The following COL21A1 variants were observed in gnomAD, a reference collection of about 807,000 sequenced individuals.
COL21A1 encodes collagen type XXI alpha 1 chain, also known as collagen alpha-1(XXI) chain.
COL21A1 carries 149 observed loss-of-function variants against 137.9 expected under a neutral mutation model. The observed-to-expected ratio is 1.08, with a 90% CI of 0.95 to 1.24. The LOEUF is 1.24. Among genes scored for constraint, COL21A1 ranks in the 50% most tolerant of loss-of-function variants. COL21A1 has a pLI of 0.00. For synonymous variants in COL21A1, 456 were observed against 391.5 expected, an observed-to-expected ratio of 1.16 and a Z score of -1.95; for missense variants, 1,167 against 1,158.4, an observed-to-expected ratio of 1.01 and a Z score of -0.11.
intron 1 of COL21A1, among the ~76,000 whole-genome samples, chr6:56,198,222 G>A (rs2152295736): frequency 1.3e-5 from 2 of 152,194 alleles, no homozygotes; most frequent in African/African-American, 2.4e-5. Context: ...TGGGGAGGAG[G>A]AAGAGAGGAG....
intron 10 of COL21A1, among the ~76,000 whole-genome samples, chr6:56,151,854 G>T: frequency 6.6e-6 from 1 of 152,088 alleles, no homozygotes; most frequent in South Asian, 2.1e-4. Flanking sequence ...CAGCTGTTTT[G>T]GCTCCCAGGC....
Position 56,151,223 on chromosome 6 carries a change from C to T in COL21A1, c.1434+5664G>A, listed in dbSNP as rs142277055. Among the ~76,000 whole-genome samples the T allele has an allele frequency of 2.2e-3, 335 of 152,248 alleles. 3 individuals are homozygous for T. Among genetic ancestry groups the T allele is most frequent in the African/African-American group, 7.5e-3 (313 of 41,546 alleles). On this transcript the variant is annotated intron_variant, in intron 10 of 29. Coordinates refer to ENST00000244728, the MANE Select transcript of COL21A1 (RefSeq NM_030820.4). Reference sequence around the variant, plus strand: ...CCTGGACGACAGAGCAAGACTCTGTCTCAAACAAAACAAAACAAACAAACA... The same window carrying T: ...CCTGGACGACAGAGCAAGACTCTGTTTCAAACAAAACAAAACAAACAAACA...
intron 14 of COL21A1, 52 bp downstream of exon 14, chr6:56,125,515 C>A: frequency 7.7e-7 from 1 of 1,302,002 alleles, no homozygotes; most frequent in Non-Finnish European, 1.1e-6. Flanking sequence ...TTTTCTGTTT[C>A]CATTACATTA....
intron 1 of COL21A1, among the ~76,000 whole-genome samples, chr6:56,191,591 C>CAAAA (rs70986783): frequency 0.013 from 1,584 of 121,102 alleles, 37 homozygotes; most frequent in Non-Finnish European, 0.019. Context: ...GACTCTATCT[C>CAAAA]AAAAAAAAAA....
intron 1 of COL21A1, among the ~76,000 whole-genome samples, chr6:56,359,254 A>G (rs1765909683): frequency 6.6e-6 from 1 of 152,216 alleles, no homozygotes; most frequent in African/African-American, 2.4e-5. Flanking sequence ...TTCAAGTTAG[A>G]CTGACACGGG....
intron 16 of COL21A1, among the ~76,000 whole-genome samples, chr6:56,109,118 CAAA>C (rs1396871413): frequency 1.3e-5 from 2 of 150,390 alleles, no homozygotes; most frequent in African/African-American, 2.4e-5. Context: ...TAAAAAATAA[CAAA>C]AAACGAATGT....
intron 1 of COL21A1, among the ~76,000 whole-genome samples, chr6:56,288,801 C>G (rs1269593671): frequency 6.6e-6 from 1 of 152,160 alleles, no homozygotes; most frequent in Non-Finnish European, 1.5e-5. Context: ...CTAAAAGTGT[C>G]AGAGGTAATG....
chr6:56,263,904 G>T (rs1763338604), intron 1 of COL21A1, among the ~76,000 whole-genome samples: 1 of 151,872 alleles, frequency 6.6e-6, no homozygotes, highest in South Asian at 2.1e-4. Flanking sequence ...GACACCACAA[G>T]AAAATCATAG....
At chr6:56,253,450 T>C (rs1013531910) in intron 1 of COL21A1, among the ~76,000 whole-genome samples, 2 of 152,158 alleles carry the variant, frequency 1.3e-5, no homozygotes, top group Non-Finnish European at 2.9e-5. Context: ...GAACTCCAAG[T>C]ACCATGTAAG....
chr6:56,353,564 C>T (rs116662335), intron 1 of COL21A1, among the ~76,000 whole-genome samples: 1 of 152,074 alleles, frequency 6.6e-6, no homozygotes, highest in African/African-American at 2.4e-5. Flanking sequence ...TGGCATCATG[C>T]GAGATAATAA....
chr6:56,271,890 G>A (rs1488401952), intron 1 of COL21A1, among the ~76,000 whole-genome samples: 1 of 151,686 alleles, frequency 6.6e-6, no homozygotes, highest in Non-Finnish European at 1.5e-5. Context: ...GACTGTGGGT[G>A]TACAAAACAC....
intron 1 of COL21A1, among the ~76,000 whole-genome samples, chr6:56,260,717 A>G (rs6459141): frequency 0.061 from 3,994 of 65,714 alleles, 207 homozygotes; most frequent in African/African-American, 0.21. Flanking sequence ...GGCAGGCAGG[A>G]AGGGAGGCAG....
chr6:56,226,228 G>A (rs1044098764), intron 1 of COL21A1, among the ~76,000 whole-genome samples: 3 of 151,902 alleles, frequency 2.0e-5, no homozygotes, highest in African/African-American at 4.8e-5. Context: ...ACAGTCAGGT[G>A]TATACCAAAA....
intron 1 of COL21A1, among the ~76,000 whole-genome samples, chr6:56,288,607 T>C (rs1461057316): frequency 1.3e-5 from 2 of 152,172 alleles, no homozygotes; most frequent in Non-Finnish European, 2.9e-5. Context: ...GCAGAAAGAG[T>C]AGATAAAAGG....
chr6:56,293,008 T>A (rs1764087709), intron 1 of COL21A1, among the ~76,000 whole-genome samples: 1 of 152,200 alleles, frequency 6.6e-6, no homozygotes, highest in Non-Finnish European at 1.5e-5. Context: ...GCTTTTATCA[T>A]TAGACTAGCT....
chr6:56,223,998 G>C (rs1781030825), intron 1 of COL21A1, among the ~76,000 whole-genome samples: 1 of 152,008 alleles, frequency 6.6e-6, no homozygotes, highest in African/African-American at 2.4e-5. Context: ...CTGGGATAAG[G>C]GCAAATTTGT....
intron 1 of COL21A1, among the ~76,000 whole-genome samples, chr6:56,324,185 T>G (rs192874939): frequency 6.6e-6 from 1 of 152,094 alleles, no homozygotes; most frequent in Non-Finnish European, 1.5e-5. Context: ...GAGTCCATTA[T>G]CCTTCAATCT....
chr6:56,192,931 G>C (rs945805740), intron 1 of COL21A1, among the ~76,000 whole-genome samples: 2 of 152,172 alleles, frequency 1.3e-5, no homozygotes, highest in African/African-American at 4.8e-5. Context: ...GTCCATCAAT[G>C]ATAGACTGGA....
Position 56,077,530 on chromosome 6 carries a change from T to C in COL21A1, c.1856A>G (p.Lys619Arg), listed in dbSNP as rs1482588551. The C allele has an allele frequency of 1.9e-6, 3 of 1,575,242 alleles. No individual in the cohort carries two copies. The highest frequency in any genetic ancestry group is 2.6e-6 in the Non-Finnish European group (3 of 1,158,396). Residue 619 changes from lysine (K) to arginine (R), a missense_variant and splice_region_variant, in exon 18 of 30, where the codon AAG becomes AGG. By Grantham distance (26) the Lys-to-Arg change is conservative. Transcript: ENST00000244728. ...FPGNRGLMGQKGEIGPPGQQG... is the reference protein window; with the variant it reads ...FPGNRGLMGQRGEIGPPGQQG... Reference sequence around the variant, plus strand: ...AAGCTAACTCTCATGAATACTTACCTTTTGGCCCATTAATCCTCGGTTTCC... The same window carrying C: ...AAGCTAACTCTCATGAATACTTACCCTTTGGCCCATTAATCCTCGGTTTCC...
Sources: gnomAD v4.1 joint callset for allele counts (sites outside exome capture counted in the v4.1 genomes callset) on GRCh38, gnomAD v4.1.1 for gene constraint, MANE v1.5 for transcripts, NCBI Gene and HGNC (gene_info 2026-07-23, HGNC 2026-07-21) for gene names.